DTWD1: variants seen among roughly 807,000 people sequenced by gnomAD.
The protein encoded by DTWD1 is tRNA-uridine aminocarboxypropyltransferase 1.
DTWD1 carries 27 observed loss-of-function variants against 30.2 expected under a neutral mutation model. That is an observed-to-expected ratio of 0.90 (90% CI 0.66 to 1.23). The LOEUF is 1.23. Ranked by LOEUF, DTWD1 falls within the 50% of genes most tolerant of loss-of-function variation. DTWD1 has a pLI of 0.00. For synonymous variants in DTWD1, 99 were observed against 113.1 expected, an observed-to-expected ratio of 0.88 and a Z score of 0.79; for missense variants, 342 against 348.8, an observed-to-expected ratio of 0.98 and a Z score of 0.15.
At chr15:49,640,134 C>T (rs1235330311) in intron 4 of DTWD1, among the ~76,000 whole-genome samples, 3 of 151,938 alleles carry the variant, frequency 2.0e-5, no homozygotes, top group Non-Finnish European at 4.4e-5. Flanking sequence ...CTGAATTATG[C>T]TTTTTTAGAT....
At chr15:49,635,694 A>T (rs1309612551) in intron 4 of DTWD1, among the ~76,000 whole-genome samples, 6 of 151,706 alleles carry the variant, frequency 4.0e-5, no homozygotes, top group Non-Finnish European at 8.8e-5. Flanking sequence ...GGGTTTCACC[A>T]TATTGGCCAG....
chr15:49,635,531 C>T (rs1242320286), intron 4 of DTWD1, among the ~76,000 whole-genome samples: 1 of 151,942 alleles, frequency 6.6e-6, no homozygotes, highest in Non-Finnish European at 1.5e-5. Context: ...GAGTCTTGCT[C>T]TGTTACCCAG....
At position 49,653,950 on chromosome 15, in the gene DTWD1, T is replaced by C. The variant is rs2079166211; in HGVS notation, c.*10372T>C. 2 of 152,060 alleles carry C rather than the reference T, an allele frequency of 1.3e-5. No homozygotes were observed. Among genetic ancestry groups the C allele is most frequent in the African/African-American group, 4.8e-5 (2 of 41,412 alleles). The allele number at this position is 152,060 out of a possible 1,614,324, so 9.4% of individuals were successfully genotyped here. A position where few individuals can be genotyped will look rare whatever the true frequency, so the allele number is the denominator to read the frequency against. On this transcript the variant is annotated 3_prime_UTR_variant, in exon 5 of 5. Coordinates refer to ENST00000403028, the MANE Select transcript of DTWD1 (RefSeq NM_001144955.2). ...GCCAAGAAGCAAGGAGAGCAATGGA[T>C]TAGGAAACCACTACCAGAGGGATGA...
chr15:49,638,881 A>G (rs1220359427), intron 4 of DTWD1, among the ~76,000 whole-genome samples: 2 of 152,174 alleles, frequency 1.3e-5, no homozygotes, highest in African/African-American at 4.8e-5. Context: ...GTGAAGAATG[A>G]TATAACATTC....
At chr15:49,624,962 T>A (rs1567733034) in intron 1 of DTWD1, among the ~76,000 whole-genome samples, 151 bp from the exon 2 acceptor site, 1 of 152,232 alleles carries the variant, frequency 6.6e-6, no homozygotes, top group Non-Finnish European at 1.5e-5. Flanking sequence ...AATCTTATGT[T>A]TTAAAGTGTG....
At chr15:49,633,043 C>CTATCTCTATATATATA (rs1555588572) in intron 3 of DTWD1, among the ~76,000 whole-genome samples, 1 of 129,492 alleles carries the variant, frequency 7.7e-6, no homozygotes, top group Non-Finnish European at 1.6e-5. Flanking sequence ...CTATTTATAT[C>CTATCTCTATATATATA]TATATCTATA....
intron 4 of DTWD1, among the ~76,000 whole-genome samples, chr15:49,640,520 A>G (rs985984434): frequency 6.6e-6 from 1 of 152,104 alleles, no homozygotes; most frequent in Non-Finnish European, 1.5e-5. Context: ...ATTGTTTTTC[A>G]AAGTGGACAT....
intron 2 of DTWD1, among the ~76,000 whole-genome samples, chr15:49,627,462 C>T (rs80101473): frequency 0.055 from 8,402 of 152,174 alleles, 608 homozygotes; most frequent in African/African-American, 0.16. Context: ...TAAATATAGT[C>T]ATATGTCTCC....
intron 2 of DTWD1, among the ~76,000 whole-genome samples, chr15:49,630,556 T>C (rs1319469392): frequency 6.6e-6 from 1 of 152,218 alleles, no homozygotes; most frequent in African/African-American, 2.4e-5. Context: ...ATGCAGTACT[T>C]GTATAAGCAT....
rs1472801179 is a variant in DTWD1, at chr15:49,632,158, G to T, written c.265-1G>T. 2 of 1,557,708 alleles carry T rather than the reference G, an allele frequency of 1.3e-6. No homozygotes were observed. The highest frequency in any genetic ancestry group is 2.8e-5 in the African/African-American group (2 of 71,884). On this transcript the variant is annotated splice_acceptor_variant, in intron 2 of 4. Coordinates refer to ENST00000403028, the MANE Select transcript of DTWD1 (RefSeq NM_001144955.2). LOFTEE classifies it high-confidence loss of function. ...TTTATTTGTGCTTTTTTTACCTTTA[G>T]CTTCCATTGAAGATTGACATCATTA... is the stretch of plus-strand genomic sequence containing the variant.
At chr15:49,625,500 C>A (rs766814797) in intron 2 of DTWD1, 69 bp downstream of exon 2, 26 of 1,313,130 alleles carry the variant, frequency 2.0e-5, no homozygotes, top group Non-Finnish European at 2.4e-5. Context: ...TGTATACCTA[C>A]TCTAATTGAT....
rs1203204868 is a variant in DTWD1, at chr15:49,654,726, C to T, written c.*11148C>T. Reference sequence around the variant, plus strand: ...AGTGTAGTAAGAGTGGAGAGAAAGGCCACCTAAGGAAGAACTGAGACGTCC... The same window carrying T: ...AGTGTAGTAAGAGTGGAGAGAAAGGTCACCTAAGGAAGAACTGAGACGTCC... On this transcript the variant is annotated 3_prime_UTR_variant, in exon 5 of 5. Transcript: ENST00000403028. The T allele has an allele frequency of 6.6e-6, 1 of 151,986 alleles. No homozygotes were observed. The highest frequency in any genetic ancestry group is 2.4e-5 in the African/African-American group (1 of 41,380). The allele number at this position is 151,986 out of a possible 1,614,324, so 9.4% of individuals were successfully genotyped here. A position where few individuals can be genotyped will look rare whatever the true frequency, so the allele number is the denominator to read the frequency against.
chr15:49,642,911 T>G (rs1322623149), intron 4 of DTWD1, among the ~76,000 whole-genome samples: 1 of 152,008 alleles, frequency 6.6e-6, no homozygotes, highest in East Asian at 1.9e-4. Context: ...GGTGACAGAG[T>G]GAGACCTCAT....
intron 2 of DTWD1, 125 bp downstream of exon 2, chr15:49,625,556 G>T: frequency 9.3e-7 from 1 of 1,072,194 alleles, no homozygotes; most frequent in Non-Finnish European, 1.3e-6. Context: ...AGTGCTTGTT[G>T]CTGCAAAGAA....
chr15:49,644,646 T>A lies in DTWD1; in HGVS notation c.*1068T>A, dbSNP rs1352536533. 1 of 152,142 alleles carries A rather than the reference T, an allele frequency of 6.6e-6. No individual in the cohort carries two copies. Among genetic ancestry groups the A allele is most frequent in the East Asian group, 1.9e-4 (1 of 5,188 alleles). 9.4% of individuals were successfully genotyped at this position (152,142 alleles called of 1,614,324 possible). ...CCCTGGCTCCTTTCCTGCCATGTCA[T>A]CATCAGTTGGCTGTGTTCCTCTACT... is the stretch of plus-strand genomic sequence containing the variant. On this transcript the variant is annotated 3_prime_UTR_variant, in exon 5 of 5. Transcript: ENST00000403028.
intron 4 of DTWD1, among the ~76,000 whole-genome samples, chr15:49,642,804 G>A (rs2079081061): frequency 6.6e-6 from 1 of 152,104 alleles, no homozygotes; most frequent in African/African-American, 2.4e-5. Flanking sequence ...GTGTGCACAT[G>A]TAGTCCCAGC....
chr15:49,628,481 A>G (rs1039289314), intron 2 of DTWD1, among the ~76,000 whole-genome samples: 28 of 152,206 alleles, frequency 1.8e-4, no homozygotes, highest in African/African-American at 5.5e-4. Context: ...TCACAAGCAT[A>G]TAAGTACTGC....
chr15:49,628,898 G>A (rs1365352807), intron 2 of DTWD1, among the ~76,000 whole-genome samples: 1 of 151,884 alleles, frequency 6.6e-6, no homozygotes, highest in Non-Finnish European at 1.5e-5. Flanking sequence ...AGAACTTGCA[G>A]GTTTGTTACA....
chr15:49,627,512 A>G (rs1413165718), intron 2 of DTWD1, among the ~76,000 whole-genome samples: 1 of 152,176 alleles, frequency 6.6e-6, no homozygotes, highest in Non-Finnish European at 1.5e-5. Flanking sequence ...GTCCTGAGAA[A>G]TGAGTCGTTA....
Sources: allele counts gnomAD v4.1 joint callset (sites outside exome capture counted in the v4.1 genomes callset), GRCh38; gene constraint gnomAD v4.1.1; transcripts MANE v1.5; gene names NCBI Gene and HGNC (gene_info 2026-07-23, HGNC 2026-07-21).